ADGRL3: variants seen among roughly 807,000 people sequenced by gnomAD.
ADGRL3 encodes adhesion G protein-coupled receptor L3, also known as calcium-independent alpha-latrotoxin receptor 3.
In ADGRL3, 62 loss-of-function variants were observed where a neutral mutation model predicts 153.5. That is an observed-to-expected ratio of 0.40 (90% CI 0.33 to 0.50). ADGRL3 has a LOEUF of 0.50. Ranked by LOEUF, ADGRL3 falls within the 20% of genes least tolerant of loss-of-function variation. ADGRL3 has a pLI of 0.47. For missense variants in ADGRL3, 1,641 were observed against 1,859.4 expected (o/e 0.88, Z 2.16); for synonymous variants, 710 against 672.5 (o/e 1.06, Z -0.86).
At chr4:61,240,634 T>G in intron 1 of ADGRL3, among the ~76,000 whole-genome samples, 1 of 152,270 alleles carries the variant, frequency 6.6e-6, no homozygotes, top group East Asian at 1.9e-4. Flanking sequence ...CTCGATTTTT[T>G]TAAACAAATT....
At chr4:61,787,358 CT>C (rs1249741583) in intron 8 of ADGRL3, among the ~76,000 whole-genome samples, 3 of 150,822 alleles carry the variant, frequency 2.0e-5, no homozygotes, top group East Asian at 2.0e-4. Flanking sequence ...TATAGTCATA[CT>C]TTTTTTTTAA....
chr4:61,646,490 C>T (rs1219092146), intron 5 of ADGRL3, among the ~76,000 whole-genome samples: 1 of 151,692 alleles, frequency 6.6e-6, no homozygotes, highest in Non-Finnish European at 1.5e-5. Flanking sequence ...TGTTTGTTAT[C>T]TAACAGACAG....
chr4:61,329,361 T>C (rs2095526313), intron 1 of ADGRL3, among the ~76,000 whole-genome samples: 1 of 152,200 alleles, frequency 6.6e-6, no homozygotes, highest in African/African-American at 2.4e-5. Flanking sequence ...TGATATCAAG[T>C]AATTCTTCCT....
At chr4:61,878,057 G>A (rs62304414) in intron 9 of ADGRL3, among the ~76,000 whole-genome samples, 25,351 of 152,134 alleles carry the variant, frequency 0.17, 2,277 homozygotes, top group Non-Finnish European at 0.2. Flanking sequence ...ATGTGGAACT[G>A]TGAGTCAGTT....
intron 9 of ADGRL3, among the ~76,000 whole-genome samples, chr4:61,854,746 G>GA (rs1430786832): frequency 8.5e-5 from 13 of 152,086 alleles, no homozygotes; most frequent in Admixed American, 8.5e-4. Flanking sequence ...TTTCACTTGA[G>GA]AAAAAAACTT....
chr4:61,987,720 A>G (rs563694119), intron 19 of ADGRL3, among the ~76,000 whole-genome samples: 1 of 152,236 alleles, frequency 6.6e-6, no homozygotes, highest in Non-Finnish European at 1.5e-5. Context: ...GTAAAATTGT[A>G]TGTCTTGGAA....
At chr4:61,663,677 G>A (rs2094687369) in intron 5 of ADGRL3, among the ~76,000 whole-genome samples, 1 of 152,306 alleles carries the variant, frequency 6.6e-6, no homozygotes, top group Non-Finnish European at 1.5e-5. Flanking sequence ...GTTTCTGTAT[G>A]GGAAAGTGAC....
At chr4:61,874,787 CTCTTTTTTT>C (rs869261745) in intron 9 of ADGRL3, among the ~76,000 whole-genome samples, 2,125 of 88,486 alleles carry the variant, frequency 0.024, 145 homozygotes, top group African/African-American at 0.059. Context: ...CATCAAAATG[CTCTTTTTTT>C]TTTTTTTTTT....
At chr4:61,581,188 G>T (rs1453703521) in intron 4 of ADGRL3, among the ~76,000 whole-genome samples, 1 of 152,016 alleles carries the variant, frequency 6.6e-6, no homozygotes. Context: ...TGCTCATAAG[G>T]ATTAGACAGC....
At position 61,485,517 on chromosome 4, in the gene ADGRL3, A is replaced by G. The variant is rs539604531; in HGVS notation, c.-173-11604A>G. On this transcript the variant is annotated intron_variant, in intron 2 of 26. Coordinates refer to ENST00000683033, the MANE Select transcript of ADGRL3 (RefSeq NM_001387552.1). ...CAAGCGTTTTAAACTCAAATTGTCTATGTGAAAGAGATATATGTGACTGAC... is the reference window on the plus strand; with the variant it reads ...CAAGCGTTTTAAACTCAAATTGTCTGTGTGAAAGAGATATATGTGACTGAC... 8.5e-5 allele frequency among the ~76,000 whole-genome samples: 13 copies of G among 152,292 alleles called. No individual in the cohort carries two copies. In the South Asian group the frequency reaches 2.1e-3, roughly 24 times the overall value.
At chr4:61,307,796 C>A (rs2094847912) in intron 1 of ADGRL3, among the ~76,000 whole-genome samples, 1 of 152,118 alleles carries the variant, frequency 6.6e-6, no homozygotes, top group African/African-American at 2.4e-5. Flanking sequence ...ATTCTGTAAT[C>A]CAGTCATTGG....
intron 2 of ADGRL3, among the ~76,000 whole-genome samples, chr4:61,407,721 A>G (rs1328203480): frequency 6.6e-6 from 1 of 152,188 alleles, no homozygotes; most frequent in East Asian, 1.9e-4. Context: ...ATTAGCTCAT[A>G]TGAAATGTAC....
At chr4:61,458,238 A>AT (rs1219882614) in intron 2 of ADGRL3, among the ~76,000 whole-genome samples, 10 of 151,504 alleles carry the variant, frequency 6.6e-5, no homozygotes, top group Non-Finnish European at 1.5e-4. Flanking sequence ...AAATATTATT[A>AT]TTTAACTTTG....
At chr4:61,820,850 G>A (rs183224688) in intron 9 of ADGRL3, among the ~76,000 whole-genome samples, 23 of 152,088 alleles carry the variant, frequency 1.5e-4, no homozygotes, top group Admixed American at 3.3e-4. Flanking sequence ...TCTCCCAACC[G>A]TTATTTTGCC....
At chr4:61,465,371 T>C (rs1304333429) in intron 2 of ADGRL3, among the ~76,000 whole-genome samples, 1 of 152,084 alleles carries the variant, frequency 6.6e-6, no homozygotes, top group Non-Finnish European at 1.5e-5. Flanking sequence ...TTAAAAATAG[T>C]TCGTATAGTT....
chr4:61,408,431 G>A (rs1272392072), intron 2 of ADGRL3, among the ~76,000 whole-genome samples: 1 of 147,950 alleles, frequency 6.8e-6, no homozygotes, highest in Non-Finnish European at 1.5e-5. Flanking sequence ...TTTTTTTCCT[G>A]CTCTGCTCCC....
intron 1 of ADGRL3, among the ~76,000 whole-genome samples, chr4:61,245,289 G>T (rs1178355466): frequency 6.6e-6 from 1 of 152,018 alleles, no homozygotes; most frequent in East Asian, 1.9e-4. Context: ...CTGTCTCCCA[G>T]GCAGCTCCCT....
intron 5 of ADGRL3, among the ~76,000 whole-genome samples, chr4:61,658,991 G>T (rs1382605529): frequency 6.6e-6 from 1 of 152,118 alleles, no homozygotes; most frequent in Non-Finnish European, 1.5e-5. Context: ...GTTTTAGAAG[G>T]TTCTAGGGAA....
chr4:61,606,139 G>T (rs1041536710), intron 5 of ADGRL3, among the ~76,000 whole-genome samples: 7 of 152,100 alleles, frequency 4.6e-5, no homozygotes, highest in African/African-American at 1.7e-4. Context: ...AAAAAAAGGG[G>T]TCACAGTGCA....
Sources: gnomAD v4.1 joint callset for allele counts (sites outside exome capture counted in the v4.1 genomes callset) on GRCh38, gnomAD v4.1.1 for gene constraint, MANE v1.5 for transcripts, NCBI Gene and HGNC (gene_info 2026-07-23, HGNC 2026-07-21) for gene names.